MIR2052HG: variants seen among roughly 807,000 people sequenced by gnomAD.
MIR2052HG encodes MIR2052 host gene.
At chr8:74,689,992 G>C (rs977539333) in intron 2 of MIR2052HG, among the ~76,000 whole-genome samples, 1 of 152,048 alleles carries the variant, frequency 6.6e-6, no homozygotes, top group Non-Finnish European at 1.5e-5. Flanking sequence ...CCTGAGTAAA[G>C]GTGCTGATAA....
chr8:74,610,302 A>G (rs1160466456), intron 1 of MIR2052HG, among the ~76,000 whole-genome samples: 1 of 152,006 alleles, frequency 6.6e-6, no homozygotes, highest in Non-Finnish European at 1.5e-5. Flanking sequence ...TATGAAATAG[A>G]GAATAATCTT....
At chr8:74,655,447 T>C (rs1321882172) in intron 2 of MIR2052HG, among the ~76,000 whole-genome samples, 2 of 152,140 alleles carry the variant, frequency 1.3e-5, no homozygotes, top group Non-Finnish European at 2.9e-5. Context: ...GCCTAGGGAC[T>C]TAGTGCCCTG....
At position 74,641,997 on chromosome 8, in the gene MIR2052HG, A is replaced by C. The variant is rs192118757; in HGVS notation, n.216+29057A>C. ...GCAGTACAGGGGCAGAAAACGTAGC[A>C]GTGGTGGTGGTGTGGGTGACTGGTG... is the stretch of plus-strand genomic sequence containing the variant. On this transcript the variant is annotated intron_variant and non_coding_transcript_variant, in intron 2 of 6. Coordinates refer to ENST00000523442, the Ensembl canonical transcript of MIR2052HG. 1.2e-3 allele frequency among the ~76,000 whole-genome samples: 184 copies of C among 152,194 alleles called. 1 individual carries two copies. The highest frequency in any genetic ancestry group is 3.9e-3 in the African/African-American group (164 of 41,538).
At chr8:74,645,785 A>G (rs1808685140) in intron 2 of MIR2052HG, among the ~76,000 whole-genome samples, 1 of 152,186 alleles carries the variant, frequency 6.6e-6, no homozygotes, top group Non-Finnish European at 1.5e-5. Flanking sequence ...GGCAACATGT[A>G]TCTCTCAAAT....
chr8:74,665,575 C>T (rs1808913782), intron 2 of MIR2052HG, among the ~76,000 whole-genome samples: 1 of 152,162 alleles, frequency 6.6e-6, no homozygotes, highest in Admixed American at 6.5e-5. Context: ...GCTTTGCTGT[C>T]ATTAATCACT....
At chr8:74,645,136 T>C (rs1287265523) in intron 2 of MIR2052HG, among the ~76,000 whole-genome samples, 1 of 152,030 alleles carries the variant, frequency 6.6e-6, no homozygotes, top group Non-Finnish European at 1.5e-5. Context: ...TACTATGGGG[T>C]GGAAAATTTA....
intron 4 of MIR2052HG, among the ~76,000 whole-genome samples, chr8:74,718,309 AG>A: frequency 6.6e-6 from 1 of 152,282 alleles, no homozygotes; most frequent in African/African-American, 2.4e-5. Context: ...ACCAGATGAC[AG>A]GGGCCTTTTC....
At chr8:74,637,085 TAGAA>T (rs1305152297) in intron 2 of MIR2052HG, among the ~76,000 whole-genome samples, 2 of 152,088 alleles carry the variant, frequency 1.3e-5, no homozygotes, top group South Asian at 2.1e-4. Context: ...TCATTGAGAA[TAGAA>T]AGGAAGAAAG....
At chr8:74,754,288 G>A (rs545576029) in intron 5 of MIR2052HG, among the ~76,000 whole-genome samples, 11 of 152,254 alleles carry the variant, frequency 7.2e-5, no homozygotes, top group Middle Eastern at 3.4e-3. Flanking sequence ...TGACCTCTTA[G>A]CAGCATTTAA....
intron 4 of MIR2052HG, among the ~76,000 whole-genome samples, chr8:74,715,429 C>T (rs1255432278): frequency 6.6e-6 from 1 of 152,178 alleles, no homozygotes; most frequent in African/African-American, 2.4e-5. Flanking sequence ...ATTCACAATT[C>T]AGAATTAACT....
At chr8:74,656,358 G>A (rs1808806186) in intron 2 of MIR2052HG, among the ~76,000 whole-genome samples, 1 of 152,064 alleles carries the variant, frequency 6.6e-6, no homozygotes, top group Non-Finnish European at 1.5e-5. Context: ...ATCTCTACTT[G>A]AATTGTAGCT....
At chr8:74,701,734 G>A (rs1809360118) in intron 2 of MIR2052HG, among the ~76,000 whole-genome samples, 1 of 152,088 alleles carries the variant, frequency 6.6e-6, no homozygotes, top group African/African-American at 2.4e-5. Flanking sequence ...ATTAGCCAAA[G>A]TCAGTTTTAT....
In MIR2052HG at chr8:74,655,781, A is replaced by C. The variant is rs187679872; in HGVS notation, n.216+42841A>C. Among the ~76,000 whole-genome samples the C allele has an allele frequency of 2.2e-4, 33 of 152,276 alleles. No homozygotes were observed. The East Asian group carries it at 6.2e-3, about 29-fold the overall frequency. ...CATCATCTAGTGAAGCTGTGAGAAGAGGGCCACCATCCTTCAGACCCCAGA... is the reference window on the plus strand; with the variant it reads ...CATCATCTAGTGAAGCTGTGAGAAGCGGGCCACCATCCTTCAGACCCCAGA... On this transcript the variant is annotated intron_variant and non_coding_transcript_variant, in intron 2 of 6. Coordinates refer to ENST00000523442, the Ensembl canonical transcript of MIR2052HG.
intron 1 of MIR2052HG, among the ~76,000 whole-genome samples, chr8:74,610,224 T>C (rs1218884444): frequency 6.6e-6 from 1 of 152,002 alleles, no homozygotes; most frequent in Non-Finnish European, 1.5e-5. Context: ...ATTGTGTTTG[T>C]ATATTCTTGG....
intron 4 of MIR2052HG, among the ~76,000 whole-genome samples, chr8:74,737,845 C>G (rs1809783729): frequency 6.6e-6 from 1 of 152,066 alleles, no homozygotes. Flanking sequence ...TTGGCCCTTC[C>G]TGTTTAGTTT....
At chr8:74,680,014 A>T (rs1408900846) in intron 2 of MIR2052HG, among the ~76,000 whole-genome samples, 1 of 152,222 alleles carries the variant, frequency 6.6e-6, no homozygotes, top group Non-Finnish European at 1.5e-5. Context: ...AGGATAATTC[A>T]TTATTCACGG....
chr8:74,668,602 C>T (rs1414216604), intron 2 of MIR2052HG, among the ~76,000 whole-genome samples: 2 of 152,164 alleles, frequency 1.3e-5, no homozygotes, highest in African/African-American at 2.4e-5. Context: ...ATATCACTCT[C>T]TTTGGGGCAT....
At chr8:74,757,862 A>G (rs2128757359) in intron 5 of MIR2052HG, 1 of 152,162 alleles carries the variant, frequency 6.6e-6, no homozygotes, top group South Asian at 2.1e-4. Context: ...CTTTGTGGGG[A>G]AAAATGATTA....
intron 3 of MIR2052HG, among the ~76,000 whole-genome samples, chr8:74,703,224 T>C (rs995357177): frequency 1.3e-5 from 2 of 152,004 alleles, no homozygotes; most frequent in African/African-American, 4.8e-5. Context: ...TGCCTAAGAC[T>C]CAGGTAGGTC....
Sources: gnomAD v4.1 joint callset for allele counts (sites outside exome capture counted in the v4.1 genomes callset) on GRCh38, gnomAD v4.1.1 for gene constraint, MANE v1.5 for transcripts, NCBI Gene and HGNC (gene_info 2026-07-23, HGNC 2026-07-21) for gene names.